Variants in PXDNL observed in about 807,000 individuals in gnomAD.
PXDNL encodes peroxidasin like.
A neutral mutation model predicts 150.8 loss-of-function variants in PXDNL; 145 were observed. The ratio of observed to expected loss-of-function variants is 0.96; its 90% CI spans 0.84 to 1.10. The LOEUF is 1.10. Among genes scored for constraint, PXDNL ranks in the 50% least tolerant of loss-of-function variants. The pLI, the probability that PXDNL is intolerant of heterozygous loss-of-function variation, is 0.00. For synonymous variants in PXDNL, 757 were observed against 725.7 expected, an observed-to-expected ratio of 1.04 and a Z score of -0.69; for missense variants, 2,087 against 1,873.9, an observed-to-expected ratio of 1.11 and a Z score of -2.10.
chr8:51,384,755 G>A (rs1324708491), intron 17 of PXDNL, among the ~76,000 whole-genome samples: 1 of 151,910 alleles, frequency 6.6e-6, no homozygotes, highest in Non-Finnish European at 1.5e-5. Flanking sequence ...CTACTTTAAA[G>A]GAGGAAAATA....
At chr8:51,532,033 C>T (rs1272039210) in intron 4 of PXDNL, among the ~76,000 whole-genome samples, 1 of 152,006 alleles carries the variant, frequency 6.6e-6, no homozygotes, top group Non-Finnish European at 1.5e-5. Context: ...GTTGTGATGG[C>T]TTCTTGTGTA....
At chr8:51,652,439 TCACACACACACACACACACACAAA>T (rs1483979618) in intron 2 of PXDNL, among the ~76,000 whole-genome samples, 1 of 146,844 alleles carries the variant, frequency 6.8e-6, no homozygotes, top group African/African-American at 2.5e-5. Flanking sequence ...TCTCTCTCTC[TCACACACACACACACACACACAAA>T]CACACACACA....
At chr8:51,367,100 CAAAAAAAAAAAAA>C (rs58282258) in intron 19 of PXDNL, among the ~76,000 whole-genome samples, 14 of 55,250 alleles carry the variant, frequency 2.5e-4, no homozygotes, top group African/African-American at 7.7e-4. Context: ...ACTCTTGTCT[CAAAAAAAAAAAAA>C]AAAAAAAAAA....
intron 12 of PXDNL, among the ~76,000 whole-genome samples, chr8:51,430,561 T>C (rs1239683352): frequency 1.3e-5 from 2 of 152,200 alleles, no homozygotes; most frequent in African/African-American, 4.8e-5. Flanking sequence ...ATTGGGAACA[T>C]GGGTGGAAAC....
At chr8:51,428,552 C>A (rs1809170750) in intron 12 of PXDNL, among the ~76,000 whole-genome samples, 2 of 152,088 alleles carry the variant, frequency 1.3e-5, no homozygotes. Flanking sequence ...GCAGACAGCC[C>A]AGTAATAGAC....
chr8:51,325,834 C>T (rs950919662), intron 21 of PXDNL, among the ~76,000 whole-genome samples: 1 of 152,166 alleles, frequency 6.6e-6, no homozygotes, highest in African/African-American at 2.4e-5. Context: ...GAGTGAAAGC[C>T]ACCTCCTCAC....
intron 8 of PXDNL, among the ~76,000 whole-genome samples, chr8:51,471,105 T>C (rs1464224503): frequency 8.3e-6 from 1 of 121,038 alleles, no homozygotes; most frequent in Non-Finnish European, 1.7e-5. Context: ...AAAGGGCTAA[T>C]ATCCAGAATC....
intron 2 of PXDNL, among the ~76,000 whole-genome samples, chr8:51,620,547 C>T (rs1380013969): frequency 6.9e-6 from 1 of 144,962 alleles, no homozygotes; most frequent in Non-Finnish European, 1.5e-5. Flanking sequence ...AACTCAATCA[C>T]TTTTTTTTTT....
At chr8:51,453,864 A>C in intron 9 of PXDNL, 79 bp from the exon 10 acceptor site, 1 of 1,471,442 alleles carries the variant, frequency 6.8e-7, no homozygotes, top group Non-Finnish European at 9.1e-7. Flanking sequence ...TGTGGTTTTA[A>C]GATTATTGTC....
chr8:51,786,769 A>T (rs1422962603), intron 1 of PXDNL, among the ~76,000 whole-genome samples: 1 of 152,224 alleles, frequency 6.6e-6, no homozygotes, highest in African/African-American at 2.4e-5. Context: ...AAGTGGCCAC[A>T]CTAAACAACA....
At chr8:51,346,928 T>C (rs1350691270) in intron 19 of PXDNL, among the ~76,000 whole-genome samples, 2 of 152,136 alleles carry the variant, frequency 1.3e-5, no homozygotes, top group African/African-American at 4.8e-5. Context: ...AACTGCCTAA[T>C]ACACTCTCTA....
chr8:51,519,971 G>A (rs1227566527), intron 4 of PXDNL, among the ~76,000 whole-genome samples: 1 of 152,180 alleles, frequency 6.6e-6, no homozygotes, highest in African/African-American at 2.4e-5. Flanking sequence ...GCGGAACACC[G>A]CAGGATGCAA....
chr8:51,390,561 T>A (rs1445876828), intron 17 of PXDNL, among the ~76,000 whole-genome samples: 1 of 152,098 alleles, frequency 6.6e-6, no homozygotes, highest in Non-Finnish European at 1.5e-5. Flanking sequence ...TTCTGGGTAT[T>A]CTATAAATTT....
At chr8:51,770,864 A>G (rs1042109617) in intron 1 of PXDNL, among the ~76,000 whole-genome samples, 1 of 152,202 alleles carries the variant, frequency 6.6e-6, no homozygotes, top group African/African-American at 2.4e-5. Context: ...TCAGAGGGAG[A>G]GCAGCTCTTC....
chr8:51,690,569 T>G (rs1036155885), intron 1 of PXDNL, among the ~76,000 whole-genome samples: 1 of 152,148 alleles, frequency 6.6e-6, no homozygotes, highest in Non-Finnish European at 1.5e-5. Flanking sequence ...CAGTCTATCA[T>G]TGTTGGACAT....
intron 1 of PXDNL, among the ~76,000 whole-genome samples, chr8:51,746,342 G>A (rs1393791292): frequency 3.9e-5 from 6 of 152,230 alleles, no homozygotes; most frequent in African/African-American, 9.6e-5. Context: ...AGAAGAGGGA[G>A]TGGCCACCAA....
chr8:51,607,415 T>A (rs1813860067), intron 2 of PXDNL, among the ~76,000 whole-genome samples: 2 of 152,184 alleles, frequency 1.3e-5, no homozygotes, highest in African/African-American at 2.4e-5. Context: ...TATTTTTGGC[T>A]CTTGGGCTGG....
chr8:51,777,775 C>T (rs545414077), intron 1 of PXDNL, among the ~76,000 whole-genome samples: 8 of 152,024 alleles, frequency 5.3e-5, no homozygotes, highest in African/African-American at 1.4e-4. Context: ...TGGTAGTGGG[C>T]GCCTGTAATC....
chr8:51,411,975 T>A (rs1808664630), intron 15 of PXDNL, among the ~76,000 whole-genome samples: 1 of 152,194 alleles, frequency 6.6e-6, no homozygotes, highest in Admixed American at 6.5e-5. Flanking sequence ...ATTGCTGACA[T>A]ATTGTCTCCT....
Sources: allele counts gnomAD v4.1 joint callset (sites outside exome capture counted in the v4.1 genomes callset), GRCh38; gene constraint gnomAD v4.1.1; transcripts MANE v1.5; gene names NCBI Gene and HGNC (gene_info 2026-07-23, HGNC 2026-07-21).